The following GRAMD1A variants were observed in gnomAD, a reference collection of about 807,000 sequenced individuals.
GRAMD1A encodes the protein GRAM domain containing 1A, also known as protein Aster-A.
A neutral mutation model predicts 92.0 loss-of-function variants in GRAMD1A; 50 were observed. The observed-to-expected ratio is 0.54, with a 90% CI of 0.43 to 0.69. The LOEUF is 0.69. Ranked by LOEUF, GRAMD1A falls within the 30% of genes least tolerant of loss-of-function variation. GRAMD1A has a pLI of 0.00. For missense variants in GRAMD1A, 819 were observed against 978.9 expected (o/e 0.84, Z 2.18); for synonymous variants, 405 against 403.6 (o/e 1.00, Z -0.04).
At chr19:35,016,831 G>A (rs564840447) in intron 11 of GRAMD1A, among the ~76,000 whole-genome samples, 160 of 150,804 alleles carry the variant, frequency 1.1e-3, no homozygotes, top group African/African-American at 3.8e-3. Flanking sequence ...CTTGAACTCG[G>A]GAAGCAGAGG....
At position 35,000,386 on chromosome 19, in the gene GRAMD1A, C is replaced by T. The variant is rs1004917900; in HGVS notation, c.-93C>T. On this transcript the variant is annotated 5_prime_UTR_variant, in exon 1 of 20. Transcript: ENST00000317991. The surrounding 1 kb of genome is among the most constrained non-coding windows in gnomAD (Gnocchi z 4.9). ...CGCGGAAGGCCAGGCCGGTGCCCTG[C>T]GGGGACGCCCAGCGCAGCCCAGCCC... 1.0e-5 allele frequency: 12 copies of T among 1,147,722 alleles called. No homozygotes were observed. The African/African-American group carries it at 2.0e-4, about 19-fold the overall frequency. The allele number at this position is 1,147,722 out of a possible 1,614,324, so 71.1% of individuals were successfully genotyped here.
chr19:35,009,457 C>A lies in GRAMD1A; in HGVS notation c.240+14C>A. Reference sequence around the variant, plus strand: ...AGCTGGTACAGTGTAAGTGTCTGGGCAAGGGGCTTGCTGGAGGGCTGGGAG... The same window carrying A: ...AGCTGGTACAGTGTAAGTGTCTGGGAAAGGGGCTTGCTGGAGGGCTGGGAG... On this transcript the variant is annotated intron_variant, in intron 3 of 19. Coordinates refer to ENST00000317991, the MANE Select transcript of GRAMD1A (RefSeq NM_020895.5). 6.2e-7 allele frequency: 1 copy of A among 1,613,742 alleles called. No individual in the cohort carries two copies. The highest frequency in any genetic ancestry group is 1.7e-5 in the Admixed American group (1 of 60,020).
At position 35,015,868 on chromosome 19, in the gene GRAMD1A, A is replaced by G. The variant is rs765420067; in HGVS notation, c.1114A>G (p.Ile372Val). The G allele has an allele frequency of 1.2e-6, 2 of 1,614,046 alleles. No homozygotes were observed. Among genetic ancestry groups the G allele is most frequent in the African/African-American group, 2.7e-5 (2 of 75,012 alleles). The part of the protein sequence containing the change: ...LLPDLSGRLL[I>V]NSVFHVGAER... Reference sequence around the variant, plus strand: ...TCCCGACCTCTCCGGCCGCCTCCTCATCAACTCTGTCTTCCATGTGGGCGC... The same window carrying G: ...TCCCGACCTCTCCGGCCGCCTCCTCGTCAACTCTGTCTTCCATGTGGGCGC... The change falls in exon 11 of 20, where the codon ATC becomes GTC. Residue 372 changes from isoleucine to valine, a missense_variant. Physicochemically the swap from Ile to Val is conservative, Grantham distance 29. Transcript: ENST00000317991.
upstream of GRAMD1A, among the ~76,000 whole-genome samples, chr19:34,997,208 G>A (rs923522285): frequency 7.9e-5 from 12 of 152,086 alleles, no homozygotes; most frequent in Middle Eastern, 3.4e-3. Context: ...GCACCCGGCC[G>A]CAATCAGCAC....
At chr19:35,017,676 T>C (rs2015742173) in intron 11 of GRAMD1A, among the ~76,000 whole-genome samples, 1 of 133,600 alleles carries the variant, frequency 7.5e-6, no homozygotes, top group East Asian at 2.0e-4. Context: ...CGCGGCCTCC[T>C]GGGCTCCTCT....
chr19:35,010,758 G>C, intron 6 of GRAMD1A: 1 of 512,078 alleles, frequency 2.0e-6, no homozygotes, highest in Non-Finnish European at 3.4e-6. Context: ...AGGGGGACAG[G>C]TGTGGGGGAC....
At chr19:35,025,746 A>AGGG (rs1447424261) in intron 19 of GRAMD1A, among the ~76,000 whole-genome samples, 1 of 152,098 alleles carries the variant, frequency 6.6e-6, no homozygotes, top group African/African-American at 2.4e-5. Flanking sequence ...ATTTCAAATG[A>AGGG]GGGGATTTTG....
Position 35,000,982 on chromosome 19 carries a change from C to A in GRAMD1A, c.8+496C>A, listed in dbSNP as rs931154484. On this transcript the variant is annotated intron_variant, in intron 1 of 19. Coordinates refer to ENST00000317991, the MANE Select transcript of GRAMD1A (RefSeq NM_020895.5). The surrounding 1 kb of genome is among the most constrained non-coding windows in gnomAD (Gnocchi z 4.9). ...CACCGTCCTTGGCTGTTGCGGGTCT[C>A]GGGGCTGCCGGGGGTGGGGGCTTCC... 6.6e-6 allele frequency among the ~76,000 whole-genome samples: 1 copy of A among 151,856 alleles called. No homozygotes were observed. Among genetic ancestry groups the A allele is most frequent in the Admixed American group, 6.6e-5 (1 of 15,266 alleles).
rs1233333424 is a variant in GRAMD1A at position 35,021,075 on chromosome 19, A to G, written c.1476-427A>G. ...ACAACTTCGGAGCTGCCCTTGACCCAGATGGGGGCGGCAGGGAGGAATGGG... is the reference window on the plus strand; with the variant it reads ...ACAACTTCGGAGCTGCCCTTGACCCGGATGGGGGCGGCAGGGAGGAATGGG... On this transcript the variant is annotated intron_variant, in intron 13 of 19. Transcript: ENST00000317991. This position sits in a 1 kb window ranked among gnomAD's most constrained non-coding sequence, Gnocchi z 5.3. 6.6e-6 allele frequency among the ~76,000 whole-genome samples: 1 copy of G among 152,226 alleles called. No homozygotes were observed. The highest frequency in any genetic ancestry group is 2.4e-5 in the African/African-American group (1 of 41,454).
At position 35,000,570 on chromosome 19, in the gene GRAMD1A, G is replaced by T; in HGVS notation, c.8+84G>T. ...AGGGGGCGCCGCGGGCTTGGGGAGG[G>T]GGCGGAGCGGCCGCTGCAGAGGTCG... On this transcript the variant is annotated intron_variant, in intron 1 of 19. Transcript: ENST00000317991. The surrounding 1 kb of genome is among the most constrained non-coding windows in gnomAD (Gnocchi z 4.9). The T allele has an allele frequency of 9.1e-7, 1 of 1,103,502 alleles. No homozygotes were observed. Among genetic ancestry groups the T allele is most frequent in the Non-Finnish European group, 1.1e-6 (1 of 872,644 alleles). The allele number at this position is 1,103,502 out of a possible 1,614,324, so 68.4% of individuals were successfully genotyped here. A position where few individuals can be genotyped will look rare whatever the true frequency, so the allele number is the denominator to read the frequency against.
At chr19:35,020,410 C>T (rs769247949) in intron 13 of GRAMD1A, among the ~76,000 whole-genome samples, 1 of 151,954 alleles carries the variant, frequency 6.6e-6, no homozygotes, top group Non-Finnish European at 1.5e-5. Context: ...TAGTGATGCA[C>T]GTCTGTAATC....
At chr19:34,998,025 G>A (rs1198730081), upstream of GRAMD1A, among the ~76,000 whole-genome samples, 1 of 145,442 alleles carries the variant, frequency 6.9e-6, no homozygotes, top group Non-Finnish European at 1.5e-5. Flanking sequence ...CCAAGATCGA[G>A]CCACTGCACC....
chr19:35,008,739 C>A (rs1025814984), intron 1 of GRAMD1A, among the ~76,000 whole-genome samples: 2 of 152,150 alleles, frequency 1.3e-5, no homozygotes, highest in African/African-American at 4.8e-5. Flanking sequence ...ATCAGTTGAA[C>A]CCAGGAGGCA....
At position 35,013,853 on chromosome 19, in the gene GRAMD1A, G is replaced by A. The variant is rs1299159934; in HGVS notation, c.870+162G>A. ...AGGACAGGGAGGGGAAGACGGACAT[G>A]TGACAGGGAAAGAGAGACAGGGAAG... is the stretch of plus-strand genomic sequence containing the variant. On this transcript the variant is annotated intron_variant, in intron 9 of 19. Transcript: ENST00000317991. The surrounding 1 kb of genome is among the most constrained non-coding windows in gnomAD (Gnocchi z 4.9). 2.0e-5 allele frequency among the ~76,000 whole-genome samples: 3 copies of A among 152,182 alleles called. No individual in the cohort carries two copies. Among genetic ancestry groups the A allele is most frequent in the African/African-American group, 2.4e-5 (1 of 41,428 alleles).
intron 7 of GRAMD1A, among the ~76,000 whole-genome samples, chr19:35,011,812 C>T (rs1316386860): frequency 6.6e-6 from 1 of 152,202 alleles, no homozygotes; most frequent in Non-Finnish European, 1.5e-5. Flanking sequence ...ATCCAGGTTC[C>T]ACTGGCAGCG....
Position 35,022,001 on chromosome 19 carries a change from G to T in GRAMD1A, c.1804G>T (p.Ala602Ser). The T allele has an allele frequency of 6.2e-7, 1 of 1,614,118 alleles. No individual in the cohort carries two copies. The highest frequency in any genetic ancestry group is 8.5e-7 in the Non-Finnish European group (1 of 1,179,998). Residue 602 changes from alanine (A) to serine (S), a missense_variant, in exon 16 of 20, where the codon GCA becomes TCA. By Grantham distance (99) the Ala-to-Ser change is moderately conservative. This residue lies in a region of GRAMD1A where 577 missense variants were observed against 674.6 expected (regional missense o/e 0.86). Transcript: ENST00000317991. ...SEPSVDQGPG[A>S]GIPSALVLIS... is the part of the protein sequence containing the mutation. ...ACCATCTGTGGACCAGGGCCCCGGG[G>T]CAGGCATCCCCAGTGCCCTGGTTCT...
chr19:35,021,979 ATCTGTG>A lies in GRAMD1A; in HGVS notation c.1783_1788del (p.Ser595_Val596del), dbSNP rs2016095265. On this transcript the variant is annotated inframe_deletion, in exon 16 of 20. Transcript: ENST00000317991. The surrounding 1 kb of genome is among the most constrained non-coding windows in gnomAD (Gnocchi z 5.3). ...CCCTCAGCTCCCGCTTCTCCGAACC[ATCTGTG>A]GACCAGGGCCCCGGGGCAGGCATCC... The A allele has an allele frequency of 6.2e-7, 1 of 1,613,960 alleles. No homozygotes were observed. Among genetic ancestry groups the A allele is most frequent in the Non-Finnish European group, 8.5e-7 (1 of 1,180,014 alleles).
At chr19:35,006,680 G>A (rs1032676226) in intron 1 of GRAMD1A, among the ~76,000 whole-genome samples, 1 of 152,188 alleles carries the variant, frequency 6.6e-6, no homozygotes, top group Non-Finnish European at 1.5e-5. Context: ...TCCAGCCAGC[G>A]TGCAGATTAT....
Position 35,021,383 on chromosome 19 carries a change from T to C in GRAMD1A, c.1476-119T>C. On this transcript the variant is annotated intron_variant, in intron 13 of 19. Coordinates refer to ENST00000317991, the MANE Select transcript of GRAMD1A (RefSeq NM_020895.5). The surrounding 1 kb of genome is among the most constrained non-coding windows in gnomAD (Gnocchi z 5.3). ...GGGGGTAGGGAACCCATCTGTTTTG[T>C]CTGTGAGTGACAAGGGGCCCTCTCT... The C allele has an allele frequency of 1.3e-6, 1 of 742,586 alleles. No individual in the cohort carries two copies. Among genetic ancestry groups the C allele is most frequent in the African/African-American group, 1.7e-5 (1 of 58,174 alleles). 46.0% of individuals were successfully genotyped at this position (742,586 alleles called of 1,614,324 possible).
Sources: gnomAD v4.1 joint callset for allele counts (sites outside exome capture counted in the v4.1 genomes callset) on GRCh38, gnomAD v4.1.1 for gene constraint, gnomAD v4.1.1 regional missense constraint, Gnocchi (gnomAD v3.1) non-coding constraint, MANE v1.5 for transcripts, NCBI Gene and HGNC (gene_info 2026-07-23, HGNC 2026-07-21) for gene names.